The following MIA variants were observed in gnomAD, a reference collection of about 807,000 sequenced individuals.
MIA encodes the protein melanoma-derived growth regulatory protein.
In MIA, 18 loss-of-function variants were observed where a neutral mutation model predicts 18.5. The ratio of observed to expected loss-of-function variants is 0.97; its 90% CI spans 0.67 to 1.44. The LOEUF is 1.44. MIA is among the 40% of genes most tolerant of loss of function. The pLI is 0.00. For synonymous variants in MIA, 55 were observed against 64.9 expected (o/e 0.85, Z 0.74); for missense variants, 158 against 172.4 (o/e 0.92, Z 0.47).
Position 40,775,578 on chromosome 19 carries a change from C to T in MIA, c.36C>T (p.Ile12=), listed in dbSNP as rs775893032. The T allele has an allele frequency of 6.2e-7, 1 of 1,614,214 alleles. No individual in the cohort carries two copies. The highest frequency in any genetic ancestry group is 1.1e-5 in the South Asian group (1 of 91,088). Residue 12 remains isoleucine, a synonymous_variant, in exon 1 of 4, where the codon ATC becomes ATT. Transcript: ENST00000263369. ...ARSLVCLGVI[I]LLSAFSGPGV... is the part of the protein sequence containing the mutation. Reference sequence around the variant, plus strand: ...CCCTGGTGTGCCTTGGTGTCATCATCTTGCTGTCTGCCTTCTCCGGACCTG... The same window carrying T: ...CCCTGGTGTGCCTTGGTGTCATCATTTTGCTGTCTGCCTTCTCCGGACCTG...
upstream of MIA, chr19:40,775,355 C>T (rs2082987877): frequency 3.3e-6 from 3 of 898,928 alleles, no homozygotes; most frequent in East Asian, 5.0e-5. Flanking sequence ...GGGCTTACAG[C>T]CTTTACCCTA....
At chr19:40,776,520 G>A (rs903823596) in intron 2 of MIA, among the ~76,000 whole-genome samples, 1 of 152,038 alleles carries the variant, frequency 6.6e-6, no homozygotes, top group Non-Finnish European at 1.5e-5. Flanking sequence ...TGGGAGGATA[G>A]CTTGAGCCCA....
rs1484348060 is a variant in MIA at position 40,775,813 on chromosome 19, C to T, written c.189C>T (p.Thr63=). The T allele has an allele frequency of 6.2e-7, 1 of 1,614,066 alleles. No homozygotes were observed. The highest frequency in any genetic ancestry group is 1.3e-5 in the African/African-American group (1 of 75,000). Residue 63 remains threonine (T), a synonymous_variant, in exon 2 of 4, where the codon ACC becomes ACT. Coordinates refer to ENST00000263369, the MANE Select transcript of MIA (RefSeq NM_006533.4). ...TGGCCCCCGACTGCCGATTCCTGAC[C>T]ATTCACCGGGGCCAAGTGGTGTATG... is the stretch of plus-strand genomic sequence containing the variant. The part of the protein sequence containing the change: ...DYMAPDCRFL[T]IHRGQVVYVF...
At chr19:40,777,309 T>C in intron 3 of MIA, 88 bp from the exon 4 acceptor site, 1 of 1,505,468 alleles carries the variant, frequency 6.6e-7, no homozygotes, top group Non-Finnish European at 9.2e-7. Context: ...ACCTGGGCCC[T>C]GCAGCTGCAG....
At position 40,775,748 on chromosome 19, in the gene MIA, C is replaced by A. The variant is rs371955085; in HGVS notation, c.128-4C>A. The A allele has an allele frequency of 3.1e-6, 5 of 1,613,984 alleles. No homozygotes were observed. The African/African-American group carries it at 5.3e-5, about 17-fold the overall frequency. ...TGCTGCATTCCCTTCTATTCCTTCC[C>A]TAGACCCTATCTCCATGGCTGTGGC... On this transcript the variant is annotated splice_region_variant and splice_polypyrimidine_tract_variant and intron_variant, in intron 1 of 3. Transcript: ENST00000263369.
chr19:40,775,651 G>A lies in MIA; in HGVS notation c.109G>A (p.Ala37Thr). The change falls in exon 1 of 4, where the codon GCG becomes ACG. Residue 37 changes from alanine to threonine, a missense_variant. Transcript: ENST00000263369. ...CAAGCTGGCTGACCGGAAGCTGTGT[G>A]CGGACCAGGAGTGCAGCCGTAAGAA... Reference protein sequence around the residue: ...MPKLADRKLCADQECSHPISM... With the variant: ...MPKLADRKLCTDQECSHPISM... The A allele has an allele frequency of 6.2e-7, 1 of 1,614,192 alleles. No individual in the cohort carries two copies. Among genetic ancestry groups the A allele is most frequent in the South Asian group, 1.1e-5 (1 of 91,084 alleles).
chr19:40,776,468 G>A (rs1185086899), intron 2 of MIA, among the ~76,000 whole-genome samples: 1 of 152,174 alleles, frequency 6.6e-6, no homozygotes, highest in East Asian at 1.9e-4. Context: ...AGCAGCAGCC[G>A]GGCACAGTAG....
intron 3 of MIA, 56 bp from the exon 4 acceptor site, chr19:40,777,341 C>A: frequency 1.3e-6 from 2 of 1,595,180 alleles, no homozygotes; most frequent in Non-Finnish European, 1.7e-6. Context: ...ACCACTAGAT[C>A]CTTTGTGGTG....
rs2083005854 is a variant in MIA, at chr19:40,777,383, T to C, written c.373-14T>C. ...CTGGTTTTCTTTCCACTGTTTCCCCTTTCTCTTTTTCAGAAATGGGATTTC... is the reference window on the plus strand; with the variant it reads ...CTGGTTTTCTTTCCACTGTTTCCCCCTTCTCTTTTTCAGAAATGGGATTTC... On this transcript the variant is annotated splice_polypyrimidine_tract_variant and intron_variant, in intron 3 of 3. Transcript: ENST00000263369. The C allele has an allele frequency of 6.2e-7, 1 of 1,613,886 alleles. No individual in the cohort carries two copies. The highest frequency in any genetic ancestry group is 8.5e-7 in the Non-Finnish European group (1 of 1,179,882).
At position 40,776,022 on chromosome 19, in the gene MIA, CTTA is replaced by C. The variant is rs113152207; in HGVS notation, c.261+143_261+145del. The C allele has an allele frequency of 2.9e-3, 3,734 of 1,265,952 alleles. 107 individuals are homozygous for C. In the African/African-American group the frequency reaches 0.05, roughly 17 times the overall value. 78.4% of individuals were successfully genotyped at this position (1,265,952 alleles called of 1,614,324 possible). A position where few individuals can be genotyped will look rare whatever the true frequency, so the allele number is the denominator to read the frequency against. On this transcript the variant is annotated intron_variant, in intron 2 of 3. Transcript: ENST00000263369. ...ATTGTTACTTACTTTATTTTATTTG[CTTA>C]TTATTTTTTAATTTTTTCCGAGACA...
chr19:40,775,440 A>ACAAGAC, upstream of MIA: 1 of 1,568,662 alleles, frequency 6.4e-7, no homozygotes, highest in Non-Finnish European at 8.7e-7. Context: ...TAGGGCGGGG[A>ACAAGAC]CAAGACCAAG....
At chr19:40,776,845 G>A in intron 2 of MIA, 124 bp from the exon 3 acceptor site, 1 of 648,206 alleles carries the variant, frequency 1.5e-6, no homozygotes, top group Non-Finnish European at 2.7e-6. Context: ...CATTTAAGCT[G>A]AGATTCATAT....
At chr19:40,776,740 T>G in intron 2 of MIA, 1 of 407,962 alleles carries the variant, frequency 2.5e-6, no homozygotes, top group South Asian at 2.9e-5. Flanking sequence ...AGACCCTGTT[T>G]CCAAAATAAT....
chr19:40,775,464 T>C (rs2082988596), upstream of MIA: 3 of 1,600,198 alleles, frequency 1.9e-6, no homozygotes, highest in Admixed American at 1.7e-5. Context: ...ACAAGTTTCC[T>C]TGTACTACGG....
intron 2 of MIA, 128 bp downstream of exon 2, chr19:40,776,013 T>C (rs2082993541): frequency 7.8e-7 from 1 of 1,282,522 alleles, no homozygotes; most frequent in Admixed American, 2.7e-5. Context: ...ACTTACTTTA[T>C]TTTATTTGCT....
chr19:40,777,151 C>T, intron 3 of MIA, 72 bp downstream of exon 3: 1 of 1,357,106 alleles, frequency 7.4e-7, no homozygotes, highest in South Asian at 1.2e-5. Flanking sequence ...CAAAAATGCT[C>T]CCACACTTGG....
chr19:40,775,469 C>T, upstream of MIA: 1 of 1,605,542 alleles, frequency 6.2e-7, no homozygotes, highest in Non-Finnish European at 8.5e-7. Flanking sequence ...TTTCCTTGTA[C>T]TACGGGAGAG....
At chr19:40,777,220 C>A in intron 3 of MIA, 141 bp downstream of exon 3, 1 of 1,093,708 alleles carries the variant, frequency 9.1e-7, no homozygotes, top group Non-Finnish European at 1.4e-6. Context: ...TCAATTTTCT[C>A]ACCAGTAAAA....
chr19:40,776,974 G>A lies in MIA; in HGVS notation c.267G>A (p.Gln89=). The part of the protein sequence containing the change: ...RGRLFWGGSV[Q]GDYYGDLAAR... ...TTTTAACTCCTCTTCCCCAGGTTCA[G>A]GGAGATTACTATGGAGATCTGGCTG... The change falls in exon 3 of 4, where the codon CAG becomes CAA. Residue 89 remains glutamine, a synonymous_variant. Coordinates refer to ENST00000263369, the MANE Select transcript of MIA (RefSeq NM_006533.4). 2 of 1,612,652 alleles carry A rather than the reference G, an allele frequency of 1.2e-6. No homozygotes were observed. Among genetic ancestry groups the A allele is most frequent in the Non-Finnish European group, 1.7e-6 (2 of 1,179,132 alleles).
Sources: allele counts gnomAD v4.1 joint callset (sites outside exome capture counted in the v4.1 genomes callset), GRCh38; gene constraint gnomAD v4.1.1; transcripts MANE v1.5; gene names NCBI Gene and HGNC (gene_info 2026-07-23, HGNC 2026-07-21).